The following AK6 variants were observed in gnomAD, a reference collection of about 807,000 sequenced individuals.
AK6 encodes the protein adenylate kinase 6.
AK6 carries 24 observed loss-of-function variants against 23.7 expected under a neutral mutation model. The ratio of observed to expected loss-of-function variants is 1.01; its 90% confidence interval spans 0.73 to 1.43. AK6 has a LOEUF of 1.43. AK6 is among the 40% of genes most tolerant of loss of function. The pLI is 0.00. For synonymous variants in AK6, 73 were observed against 69.8 expected (o/e 1.05, Z -0.23); for missense variants, 191 against 199.1 (o/e 0.96, Z 0.24).
intron 3 of AK6, 40 bp from the exon 4 acceptor site, chr5:69,355,834 C>T (rs201787671): frequency 7.5e-6 from 12 of 1,596,278 alleles, no homozygotes; most frequent in South Asian, 1.1e-5. Flanking sequence ...CTTAAGAAAA[C>T]TGAAGTCAAC....
intron 2 of AK6, among the ~76,000 whole-genome samples, chr5:69,356,808 G>A (rs552741803): frequency 7.2e-5 from 11 of 152,230 alleles, no homozygotes; most frequent in East Asian, 5.8e-4. Context: ...CCAAACTGCC[G>A]TTCCTCATAA....
At chr5:69,358,885 GTTTAT>G (rs948166709) in intron 2 of AK6, among the ~76,000 whole-genome samples, 5 of 152,090 alleles carry the variant, frequency 3.3e-5, no homozygotes, top group Admixed American at 6.6e-5. Context: ...AAGTTTTGCA[GTTTAT>G]TTTTTTAAAT....
intron 4 of AK6, among the ~76,000 whole-genome samples, chr5:69,353,753 A>T (rs1762011872): frequency 6.6e-6 from 1 of 151,976 alleles, no homozygotes; most frequent in Non-Finnish European, 1.5e-5. Context: ...ACTAAATCTC[A>T]ATAAAGTGGA....
intron 2 of AK6, among the ~76,000 whole-genome samples, chr5:69,360,373 T>C (rs1407492614): frequency 6.6e-6 from 1 of 152,168 alleles, no homozygotes; most frequent in Non-Finnish European, 1.5e-5. Flanking sequence ...TGTATTTATA[T>C]GCTTGGGAGG....
intron 2 of AK6, among the ~76,000 whole-genome samples, chr5:69,359,145 T>C (rs1204729905): frequency 6.6e-6 from 1 of 151,648 alleles, no homozygotes; most frequent in South Asian, 2.1e-4. Flanking sequence ...ACTCTGGAGG[T>C]TGAGGTGGGA....
intron 2 of AK6, 100 bp from the exon 3 acceptor site, chr5:69,356,053 T>C: frequency 9.8e-7 from 1 of 1,021,874 alleles, no homozygotes; most frequent in East Asian, 2.4e-5. Context: ...TATCATCAAT[T>C]ATTCTTTTAG....
In AK6 at chr5:69,366,466, AAAAAC is replaced by A. The variant is rs745536221; in HGVS notation, c.121+32_121+36del. 9.5e-6 allele frequency: 15 copies of A among 1,575,650 alleles called. No homozygotes were observed. The East Asian group carries it at 1.1e-4, about 12-fold the overall frequency. On this transcript the variant is annotated intron_variant, in intron 2 of 4. Transcript: ENST00000380822. Reference sequence around the variant, plus strand: ...CACTCCACTTACCAGACCTTAAAAAAAAAACAAAACAAATCTAACACCAAAGTGTC... The same window carrying A: ...CACTCCACTTACCAGACCTTAAAAAAAAAACAAATCTAACACCAAAGTGTC...
In AK6 at chr5:69,351,939, A is replaced by G. The variant is rs1339525495; in HGVS notation, c.*122T>C. On this transcript the variant is annotated 3_prime_UTR_variant, in exon 5 of 5. Transcript: ENST00000380822. ...AAAAGAAACACAGGCATAAACCTAT[A>G]TACTATCCACCTGCTGGTTCTGCAA... is the stretch of plus-strand genomic sequence containing the variant. 1.9e-5 allele frequency: 14 copies of G among 743,780 alleles called. No individual in the cohort carries two copies. In the Middle Eastern group the frequency reaches 1.4e-3, roughly 77 times the overall value. 46.1% of individuals were successfully genotyped at this position (743,780 alleles called of 1,614,324 possible).
At chr5:69,366,204 C>A (rs1439445211) in intron 2 of AK6, among the ~76,000 whole-genome samples, 1 of 152,098 alleles carries the variant, frequency 6.6e-6, no homozygotes, top group Non-Finnish European at 1.5e-5. Flanking sequence ...TTTGTTTGTT[C>A]AACTTAAAAA....
intron 2 of AK6, among the ~76,000 whole-genome samples, chr5:69,361,411 G>A (rs1175635676): frequency 2.0e-5 from 3 of 150,738 alleles, no homozygotes; most frequent in South Asian, 2.1e-4. Context: ...GTGAGCCACC[G>A]CGCCCGGCCC....
chr5:69,355,207 G>T (rs1391815286), intron 4 of AK6, among the ~76,000 whole-genome samples: 1 of 152,064 alleles, frequency 6.6e-6, no homozygotes, highest in South Asian at 2.1e-4. Flanking sequence ...AAAAAGTACT[G>T]CCCATATTTT....
intron 2 of AK6, among the ~76,000 whole-genome samples, chr5:69,364,432 G>A (rs1762331596): frequency 6.6e-6 from 1 of 152,118 alleles, no homozygotes; most frequent in African/African-American, 2.4e-5. Flanking sequence ...TGGGACCTAG[G>A]AAGTTGGGCA....
intron 2 of AK6, among the ~76,000 whole-genome samples, chr5:69,364,525 G>A (rs1364582273): frequency 6.6e-6 from 1 of 152,086 alleles, no homozygotes; most frequent in African/African-American, 2.4e-5. Flanking sequence ...GGGGAGTCAT[G>A]GTTATACTTC....
chr5:69,363,799 A>G (rs1762309384), intron 2 of AK6, among the ~76,000 whole-genome samples: 1 of 151,770 alleles, frequency 6.6e-6, no homozygotes. Flanking sequence ...AAAAAAAAAA[A>G]AGGAAAGGCC....
At chr5:69,355,421 G>C (rs1411149679) in intron 4 of AK6, 1 of 457,354 alleles carries the variant, frequency 2.2e-6, no homozygotes, top group East Asian at 3.6e-5. Context: ...TGGTCTGTTA[G>C]TCAGGAGGCT....
chr5:69,355,170 A>T (rs1448037470), intron 4 of AK6, among the ~76,000 whole-genome samples: 1 of 152,104 alleles, frequency 6.6e-6, no homozygotes, highest in Non-Finnish European at 1.5e-5. Context: ...ACTCAATCAG[A>T]TTGTCAGTTG....
At chr5:69,361,279 G>A (rs113969666) in intron 2 of AK6, among the ~76,000 whole-genome samples, 43 of 151,900 alleles carry the variant, frequency 2.8e-4, no homozygotes, top group African/African-American at 9.2e-4. Flanking sequence ...CTGCCACCAC[G>A]CCCGGCTAAT....
At position 69,351,906 on chromosome 5, in the gene AK6, C is replaced by T; in HGVS notation, c.*155G>A. On this transcript the variant is annotated 3_prime_UTR_variant, in exon 5 of 5. Coordinates refer to ENST00000380822, the MANE Select transcript of AK6 (RefSeq NM_016283.5). ...CATTATATTTCATGTTTAGCTTTCT[C>T]ATGGAGAAAAAGAAACACAGGCATA... 2.2e-6 allele frequency: 1 copy of T among 459,304 alleles called. No homozygotes were observed. Among genetic ancestry groups the T allele is most frequent in the Non-Finnish European group, 3.7e-6 (1 of 272,244 alleles). 28.5% of individuals were successfully genotyped at this position (459,304 alleles called of 1,614,324 possible). A position where few individuals can be genotyped will look rare whatever the true frequency, so the allele number is the denominator to read the frequency against.
At chr5:69,363,600 C>A (rs1013132602) in intron 2 of AK6, among the ~76,000 whole-genome samples, 3 of 151,924 alleles carry the variant, frequency 2.0e-5, no homozygotes, top group Admixed American at 1.3e-4. Flanking sequence ...CTGGTTAACA[C>A]GGTGAAACCC....
Sources: allele counts gnomAD v4.1 joint callset (sites outside exome capture counted in the v4.1 genomes callset), GRCh38; gene constraint gnomAD v4.1.1; transcripts MANE v1.5; gene names NCBI Gene and HGNC (gene_info 2026-07-23, HGNC 2026-07-21).